The following KCNIP4 variants were observed in gnomAD, a reference collection of about 807,000 sequenced individuals.
The protein encoded by KCNIP4 is potassium voltage-gated channel interacting protein 4, also known as Kv channel-interacting protein 4.
A neutral mutation model predicts 34.0 loss-of-function variants in KCNIP4; 12 were observed. The ratio of observed to expected loss-of-function variants is 0.35; its 90% confidence interval spans 0.23 to 0.57. The LOEUF is 0.57. Among genes scored for constraint, KCNIP4 ranks in the 20% least tolerant of loss-of-function variants. KCNIP4 has a pLI of 0.83. For missense variants in KCNIP4, 238 were observed against 311.7 expected, an observed-to-expected ratio of 0.76 and a Z score of 1.78; for synonymous variants, 124 against 102.2, an observed-to-expected ratio of 1.21 and a Z score of -1.29.
At chr4:20,817,470 C>A (rs939409963) in intron 3 of KCNIP4, among the ~76,000 whole-genome samples, 2 of 152,086 alleles carry the variant, frequency 1.3e-5, no homozygotes, top group African/African-American at 4.8e-5. Context: ...TGCAATGCCC[C>A]CTCTCTGTCC....
intron 1 of KCNIP4, among the ~76,000 whole-genome samples, chr4:21,822,501 A>G (rs1477934111): frequency 6.6e-6 from 1 of 152,128 alleles, no homozygotes; most frequent in Non-Finnish European, 1.5e-5. Flanking sequence ...CTATTTTTAT[A>G]CTTAAATTTA....
intron 1 of KCNIP4, among the ~76,000 whole-genome samples, chr4:21,901,891 G>A (rs546949541): frequency 1.2e-4 from 18 of 152,140 alleles, no homozygotes; most frequent in Middle Eastern, 3.4e-3. Flanking sequence ...TTCCCTCCCC[G>A]ATCCCATTGA....
At chr4:21,427,740 G>A (rs944242048) in intron 1 of KCNIP4, among the ~76,000 whole-genome samples, 1 of 152,176 alleles carries the variant, frequency 6.6e-6, no homozygotes, top group Non-Finnish European at 1.5e-5. Flanking sequence ...GACATGATAG[G>A]CATAAGAACT....
intron 1 of KCNIP4, among the ~76,000 whole-genome samples, chr4:21,202,407 A>C (rs1011977918): frequency 6.6e-6 from 1 of 152,190 alleles, no homozygotes; most frequent in African/African-American, 2.4e-5. Context: ...AGATGGAAAC[A>C]ATAGGCACTG....
At chr4:21,642,792 T>A (rs908970412) in intron 1 of KCNIP4, among the ~76,000 whole-genome samples, 7 of 152,124 alleles carry the variant, frequency 4.6e-5, no homozygotes, top group African/African-American at 1.7e-4. Context: ...GCTGGGATAA[T>A]TGATACTGAC....
intron 1 of KCNIP4, among the ~76,000 whole-genome samples, chr4:21,757,099 A>AAAG (rs1717584042): frequency 9.1e-6 from 1 of 109,794 alleles, no homozygotes; most frequent in African/African-American, 3.4e-5. Flanking sequence ...CTGTCTCAAA[A>AAAG]AAAGAAAGAA....
intron 1 of KCNIP4, among the ~76,000 whole-genome samples, chr4:21,050,612 C>A (rs922538824): frequency 9.9e-5 from 15 of 152,208 alleles, no homozygotes; most frequent in African/African-American, 3.6e-4. Flanking sequence ...ATTCTATAAA[C>A]CTTTCACAAA....
intron 1 of KCNIP4, among the ~76,000 whole-genome samples, chr4:21,396,147 CTATA>C (rs1722975567): frequency 1.3e-5 from 2 of 151,476 alleles, no homozygotes; most frequent in Non-Finnish European, 1.5e-5. Context: ...GTAGAGTCTC[CTATA>C]TATAGTCTAT....
At chr4:21,763,213 G>C (rs905669606) in intron 1 of KCNIP4, among the ~76,000 whole-genome samples, 1 of 152,126 alleles carries the variant, frequency 6.6e-6, no homozygotes, top group Non-Finnish European at 1.5e-5. Flanking sequence ...TGCAGTCTGC[G>C]TGTCATAAGA....
chr4:21,104,077 T>A (rs1223497235), intron 1 of KCNIP4, among the ~76,000 whole-genome samples: 1 of 152,138 alleles, frequency 6.6e-6, no homozygotes, highest in Admixed American at 6.5e-5. Flanking sequence ...CAGCATGATT[T>A]ATAGTCCCTT....
At chr4:21,505,996 C>T (rs536680830) in intron 1 of KCNIP4, among the ~76,000 whole-genome samples, 21 of 151,958 alleles carry the variant, frequency 1.4e-4, no homozygotes, top group South Asian at 2.1e-4. Context: ...CCAGCTACTC[C>T]GGAGGCTGAG....
intron 1 of KCNIP4, among the ~76,000 whole-genome samples, chr4:21,315,113 T>G (rs78576258): frequency 0.011 from 1,750 of 152,262 alleles, 26 homozygotes; most frequent in South Asian, 0.047. Flanking sequence ...TTACATTACC[T>G]ATACAACACA....
chr4:21,154,706 A>T (rs1191815465), intron 1 of KCNIP4, among the ~76,000 whole-genome samples: 2 of 152,198 alleles, frequency 1.3e-5, no homozygotes, highest in Admixed American at 6.5e-5. Context: ...CTCTGGGAAA[A>T]TTTAATCTAT....
chr4:21,511,407 T>C (rs1257860559), intron 1 of KCNIP4, among the ~76,000 whole-genome samples: 1 of 7,246 alleles, frequency 1.4e-4, no homozygotes, highest in Admixed American at 2.3e-3. Context: ...TCTTGGGTTT[T>C]ACTTTCTAGA....
chr4:20,850,262 A>G (rs1577249361), intron 3 of KCNIP4: 1 of 234,118 alleles, frequency 4.3e-6, no homozygotes, highest in Non-Finnish European at 8.4e-6. Flanking sequence ...AAATTATGTC[A>G]TTATAGTTGA....
intron 1 of KCNIP4, among the ~76,000 whole-genome samples, chr4:21,127,284 G>T (rs1254493461): frequency 6.6e-6 from 1 of 152,062 alleles, no homozygotes; most frequent in East Asian, 1.9e-4. Flanking sequence ...TCATTTTACT[G>T]TCTCACTTCC....
At chr4:21,738,588 C>T (rs1223643406) in intron 1 of KCNIP4, among the ~76,000 whole-genome samples, 1 of 152,184 alleles carries the variant, frequency 6.6e-6, no homozygotes, top group African/African-American at 2.4e-5. Context: ...TTTATGCTTA[C>T]ATGTGTCCTG....
intron 1 of KCNIP4, among the ~76,000 whole-genome samples, chr4:21,682,786 T>G (rs906409913): frequency 1.6e-4 from 25 of 152,258 alleles, no homozygotes; most frequent in African/African-American, 5.5e-4. Flanking sequence ...ACATGGGGAA[T>G]AGCTGGTCAG....
At chr4:21,662,224 G>T (rs1748505979) in intron 1 of KCNIP4, among the ~76,000 whole-genome samples, 1 of 152,126 alleles carries the variant, frequency 6.6e-6, no homozygotes, top group African/African-American at 2.4e-5. Flanking sequence ...GTCGAGCTTG[G>T]GAAGATACTG....
Sources: gnomAD v4.1 joint callset for allele counts (sites outside exome capture counted in the v4.1 genomes callset) on GRCh38, gnomAD v4.1.1 for gene constraint, MANE v1.5 for transcripts, NCBI Gene and HGNC (gene_info 2026-07-23, HGNC 2026-07-21) for gene names.